The following DGKZ variants were observed in gnomAD, a reference collection of about 807,000 sequenced individuals.
DGKZ encodes the protein diacylglycerol kinase zeta.
In DGKZ, 45 loss-of-function variants were observed where a neutral mutation model predicts 142.5. The observed-to-expected ratio is 0.32, with a 90% CI of 0.25 to 0.40. The LOEUF (loss-of-function observed/expected upper bound fraction) is 0.40. DGKZ is among the 10% of genes least tolerant of loss of function. The pLI is 1.00. For missense variants in DGKZ, 755 were observed against 1,306.5 expected (o/e 0.58, Z 6.51); for synonymous variants, 442 against 527.0 (o/e 0.84, Z 2.21).
upstream of DGKZ, among the ~76,000 whole-genome samples, chr11:46,342,789 A>G (rs1268304787): frequency 6.6e-6 from 1 of 152,232 alleles, no homozygotes; most frequent in Non-Finnish European, 1.5e-5. Context: ...TTAGACAGGT[A>G]AGCTTAGCAG....
chr11:46,377,272 G>A, intron 25 of DGKZ, 60 bp downstream of exon 25: 1 of 1,522,782 alleles, frequency 6.6e-7, no homozygotes, highest in Non-Finnish European at 8.8e-7. Context: ...GTAAGCCGAT[G>A]ACTTCTGAAT....
chr11:46,359,982 T>A (rs1212497345), intron 1 of DGKZ, among the ~76,000 whole-genome samples: 1 of 152,174 alleles, frequency 6.6e-6, no homozygotes, highest in Non-Finnish European at 1.5e-5. Context: ...CATATTTTGG[T>A]GTAGTAGCAA....
chr11:46,344,580 A>G (rs978281420), upstream of DGKZ, among the ~76,000 whole-genome samples: 1 of 151,752 alleles, frequency 6.6e-6, no homozygotes, highest in African/African-American at 2.4e-5. Context: ...CAGCCTCCCA[A>G]GTAGCTGTGA....
Position 46,377,067 on chromosome 11 carries a change from C to G in DGKZ, c.2203-6C>G. 1.2e-6 allele frequency: 2 copies of G among 1,612,768 alleles called. No homozygotes were observed. The highest frequency in any genetic ancestry group is 1.7e-6 in the Non-Finnish European group (2 of 1,179,822). On this transcript the variant is annotated splice_region_variant and splice_polypyrimidine_tract_variant and intron_variant, in intron 24 of 30. Coordinates refer to ENST00000527911, the Ensembl canonical transcript of DGKZ. The stretch of plus-strand genomic sequence containing the variant: ...CCTGACCTCCCGCCCTGACCTCCCC[C>G]CACAGGAGCACCTCAACTATGTGAC...
chr11:46,366,784 T>A, intron 1 of DGKZ: 1 of 1,547,988 alleles, frequency 6.5e-7, no homozygotes, highest in Non-Finnish European at 8.7e-7. Context: ...ATGACCACGC[T>A]CTCTGGGGCC....
At chr11:46,337,991 G>T (rs932441360) in intron 1 of DGKZ, among the ~76,000 whole-genome samples, 1 of 152,160 alleles carries the variant, frequency 6.6e-6, no homozygotes. Context: ...ACAAAAGTGT[G>T]ACCCCCATAC....
chr11:46,361,749 C>G, intron 1 of DGKZ: 8 of 895,466 alleles, frequency 8.9e-6, no homozygotes, highest in Non-Finnish European at 9.4e-6. Context: ...CTGCTTCCTC[C>G]CTCTGTATCT....
chr11:46,374,997 G>T (rs1352187451), exon 19 of DGKZ: 3 of 1,611,774 alleles, frequency 1.9e-6, no homozygotes, highest in Non-Finnish European at 2.5e-6. Context: ...AGCCCCAGCG[G>T]CATGACGACG....
intron 1 of DGKZ, among the ~76,000 whole-genome samples, chr11:46,362,227 G>A (rs920818637): frequency 6.6e-6 from 1 of 152,202 alleles, no homozygotes; most frequent in African/African-American, 2.4e-5. Flanking sequence ...GCAGAAGGCG[G>A]ACGAGGCCCT....
exon 31 of DGKZ, chr11:46,379,912 A>G: frequency 1.9e-6 from 3 of 1,608,512 alleles, no homozygotes; most frequent in Non-Finnish European, 2.5e-6. Flanking sequence ...GCACTACCAG[A>G]TGATCCAGCG....
chr11:46,355,329 C>T (rs1181364198), intron 1 of DGKZ, among the ~76,000 whole-genome samples: 1 of 151,900 alleles, frequency 6.6e-6, no homozygotes, highest in Admixed American at 6.6e-5. Flanking sequence ...AGGATGGTCT[C>T]GATCTCCCGA....
intron 24 of DGKZ, 177 bp from the exon 25 acceptor site, chr11:46,376,896 C>T (rs998328855): frequency 5.8e-5 from 38 of 659,608 alleles, no homozygotes; most frequent in African/African-American, 5.5e-4. Context: ...TCTGGGCAGT[C>T]GGAGGAGGTG....
chr11:46,355,337 C>T (rs189423832), intron 1 of DGKZ, among the ~76,000 whole-genome samples: 42 of 151,668 alleles, frequency 2.8e-4, no homozygotes, highest in Admixed American at 7.2e-4. Context: ...CTCGATCTCC[C>T]GACCTCGTGA....
At chr11:46,358,411 C>CTT (rs990182167) in intron 1 of DGKZ, among the ~76,000 whole-genome samples, 2 of 148,938 alleles carry the variant, frequency 1.3e-5, no homozygotes, top group Non-Finnish European at 3.0e-5. Context: ...GTACTAGATG[C>CTT]TTTTTTTTTT....
intron 14 of DGKZ, 128 bp downstream of exon 14, chr11:46,373,229 G>T: frequency 4.7e-6 from 5 of 1,057,994 alleles, no homozygotes; most frequent in Non-Finnish European, 6.5e-6. Context: ...TTCCTTGTAC[G>T]ATGGGAATAA....
intron 25 of DGKZ, chr11:46,377,875 C>G: frequency 2.6e-6 from 1 of 387,648 alleles, no homozygotes; most frequent in Non-Finnish European, 4.7e-6. Flanking sequence ...TTGGCTGTTT[C>G]CTCCTTGGAG....
chr11:46,364,619 T>C (rs1943053664), intron 1 of DGKZ: 1 of 985,230 alleles, frequency 1.0e-6, no homozygotes, highest in Admixed American at 6.1e-5. Context: ...CCTGTCCATC[T>C]CTCCCCCAAC....
At chr11:46,337,931 G>A (rs1487454203) in intron 1 of DGKZ, among the ~76,000 whole-genome samples, 1 of 152,132 alleles carries the variant, frequency 6.6e-6, no homozygotes, top group Non-Finnish European at 1.5e-5. Flanking sequence ...TCCTGGGTGT[G>A]GGCCAAGCAT....
chr11:46,347,139 G>A (rs1204594622), upstream of DGKZ, among the ~76,000 whole-genome samples: 1 of 152,202 alleles, frequency 6.6e-6, no homozygotes, highest in African/African-American at 2.4e-5. This position sits in a 1 kb window ranked among gnomAD's most constrained non-coding sequence, Gnocchi z 6.4. Flanking sequence ...GCCCTCGCGA[G>A]TGTACACTTG....
Sources: gnomAD v4.1 joint callset for allele counts (sites outside exome capture counted in the v4.1 genomes callset) on GRCh38, gnomAD v4.1.1 for gene constraint, Gnocchi (gnomAD v3.1) non-coding constraint, MANE v1.5 for transcripts, NCBI Gene and HGNC (gene_info 2026-07-23, HGNC 2026-07-21) for gene names.